PRKN: variants seen among roughly 807,000 people sequenced by gnomAD.
PRKN encodes E3 ubiquitin-protein ligase parkin.
PRKN carries 56 observed loss-of-function variants against 59.5 expected under a neutral mutation model. The ratio of observed to expected loss-of-function variants is 0.94; its 90% CI spans 0.76 to 1.18. The LOEUF is 1.18. Ranked by LOEUF, PRKN falls within the 50% of genes most tolerant of loss-of-function variation. The probability of loss-of-function intolerance (pLI) is 0.00; values close to 1 mark genes in which losing one functional copy is unlikely to be tolerated. For synonymous variants in PRKN, 250 were observed against 222.1 expected (o/e 1.13, Z -1.12); for missense variants, 657 against 596.4 (o/e 1.10, Z -1.06).
At position 161,818,220 on chromosome 6, in the gene PRKN, G is replaced by T. The variant is rs113253274; in HGVS notation, c.735-32312C>A. ...AAAGACACATAGGTGGAAACTCAAAGACCAGTTTTTGGTAGAGGGGCAGGT... is the reference window on the plus strand; with the variant it reads ...AAAGACACATAGGTGGAAACTCAAATACCAGTTTTTGGTAGAGGGGCAGGT... On this transcript the variant is annotated intron_variant, in intron 6 of 11. Transcript: ENST00000366898. 7.9e-3 allele frequency among the ~76,000 whole-genome samples: 1,205 copies of T among 152,246 alleles called. 7 individuals are homozygous for T. The highest frequency in any genetic ancestry group is 0.014 in the Non-Finnish European group (949 of 68,030).
At chr6:161,692,168 A>C (rs1188581436) in intron 7 of PRKN, among the ~76,000 whole-genome samples, 1 of 152,084 alleles carries the variant, frequency 6.6e-6, no homozygotes, top group Non-Finnish European at 1.5e-5. Context: ...ATTTGCCTCT[A>C]CTCTGAATGC....
chr6:161,653,555 A>G (rs796613087), intron 7 of PRKN, among the ~76,000 whole-genome samples: 3 of 152,306 alleles, frequency 2.0e-5, no homozygotes, highest in African/African-American at 7.2e-5. Flanking sequence ...CGTGCCATGA[A>G]TTTCATGTAG....
intron 7 of PRKN, among the ~76,000 whole-genome samples, chr6:161,735,523 G>A (rs1787927922): frequency 6.6e-6 from 1 of 152,160 alleles, no homozygotes; most frequent in Non-Finnish European, 1.5e-5. Flanking sequence ...TAGTTGTTAA[G>A]TTTTTTGGAG....
intron 9 of PRKN, among the ~76,000 whole-genome samples, chr6:161,519,799 C>T (rs760336732): frequency 6.6e-6 from 1 of 152,278 alleles, no homozygotes; most frequent in South Asian, 2.1e-4. Context: ...CTTAGAGAAT[C>T]TAGAGGAAAT....
chr6:162,041,433 GT>G (rs1391054249), intron 5 of PRKN, among the ~76,000 whole-genome samples: 1 of 152,188 alleles, frequency 6.6e-6, no homozygotes, highest in African/African-American at 2.4e-5. Flanking sequence ...GATGGAGAGA[GT>G]AAAGACATTC....
intron 1 of PRKN, among the ~76,000 whole-genome samples, chr6:162,604,599 C>A (rs1781833284): frequency 6.6e-6 from 1 of 151,954 alleles, no homozygotes; most frequent in Non-Finnish European, 1.5e-5. Flanking sequence ...GTTTTTCCCC[C>A]ACACTCATCC....
chr6:162,190,143 C>T (rs1464700195), intron 4 of PRKN, among the ~76,000 whole-genome samples: 2 of 152,170 alleles, frequency 1.3e-5, no homozygotes, highest in African/African-American at 4.8e-5. Flanking sequence ...ATGCCCAGTG[C>T]ATGCCATAGA....
At chr6:161,772,446 T>C (rs141076458) in intron 7 of PRKN, among the ~76,000 whole-genome samples, 1 of 152,300 alleles carries the variant, frequency 6.6e-6, no homozygotes, top group African/African-American at 2.4e-5. Context: ...TTTAGGTGAT[T>C]CTCAGCAATC....
chr6:162,431,037 G>A (rs902557342), intron 2 of PRKN, among the ~76,000 whole-genome samples: 5 of 152,022 alleles, frequency 3.3e-5, no homozygotes, highest in Non-Finnish European at 7.4e-5. Context: ...TCCCAACGCC[G>A]CCTTCAGTGT....
intron 6 of PRKN, among the ~76,000 whole-genome samples, chr6:161,972,864 T>G (rs771828365): frequency 7.2e-5 from 11 of 152,300 alleles, no homozygotes; most frequent in Non-Finnish European, 1.5e-4. Flanking sequence ...AAACCCTGTC[T>G]CTACTACAAA....
chr6:162,250,997 G>C (rs893814231), intron 3 of PRKN, among the ~76,000 whole-genome samples: 2 of 151,996 alleles, frequency 1.3e-5, no homozygotes, highest in African/African-American at 4.8e-5. Context: ...TTGGGACACT[G>C]AATCTTCATT....
At chr6:161,913,170 G>GAA (rs762633376) in intron 6 of PRKN, among the ~76,000 whole-genome samples, 1,076 of 86,544 alleles carry the variant, frequency 0.012, 17 homozygotes, top group Non-Finnish European at 0.017. Flanking sequence ...TCCATCTCAG[G>GAA]AAAAAAAAAA....
At chr6:161,747,910 C>A (rs1360952543) in intron 7 of PRKN, among the ~76,000 whole-genome samples, 1 of 152,108 alleles carries the variant, frequency 6.6e-6, no homozygotes, top group South Asian at 2.1e-4. Flanking sequence ...TGATGAACAT[C>A]GCCATCTTTA....
rs751445079 is a variant in PRKN at position 161,419,690 on chromosome 6, C to T, written c.1084-32813G>A. Among the ~76,000 whole-genome samples the T allele has an allele frequency of 1.3e-4, 19 of 151,926 alleles. No homozygotes were observed. Among genetic ancestry groups the T allele is most frequent in the Non-Finnish European group, 1.5e-4 (10 of 67,978 alleles). ...GGCATGAACCACCACGCCCAGCCTCCTCTGACTTTTGTAAGGGAAATAATT... is the reference window on the plus strand; with the variant it reads ...GGCATGAACCACCACGCCCAGCCTCTTCTGACTTTTGTAAGGGAAATAATT... On this transcript the variant is annotated intron_variant, in intron 9 of 11. Coordinates refer to ENST00000366898, the MANE Select transcript of PRKN (RefSeq NM_004562.3). The surrounding 1 kb of genome is among the most constrained non-coding windows in gnomAD (Gnocchi z 4.1).
At chr6:162,144,887 AG>A (rs901361344) in intron 4 of PRKN, among the ~76,000 whole-genome samples, 2 of 152,140 alleles carry the variant, frequency 1.3e-5, no homozygotes, top group African/African-American at 4.8e-5. Context: ...TGAAACGACG[AG>A]GATGAACGTA....
intron 4 of PRKN, among the ~76,000 whole-genome samples, chr6:162,070,743 C>G (rs923312817): frequency 2.0e-5 from 3 of 152,162 alleles, no homozygotes; most frequent in Non-Finnish European, 4.4e-5. Flanking sequence ...CCCACATGCA[C>G]AGTTCACAAT....
At chr6:162,035,895 C>A in intron 5 of PRKN, among the ~76,000 whole-genome samples, 1 of 152,226 alleles carries the variant, frequency 6.6e-6, no homozygotes, top group East Asian at 1.9e-4. Flanking sequence ...ACCCTTCACA[C>A]TAAAATAAAA....
At chr6:162,633,173 G>A (rs2186816) in intron 1 of PRKN, among the ~76,000 whole-genome samples, 92,840 of 151,300 alleles carry the variant, frequency 0.61, 29,205 homozygotes, top group African/African-American at 0.75. Flanking sequence ...GGTGGCTCAT[G>A]CCTTAATCCC....
chr6:162,328,864 A>G (rs894081114), intron 2 of PRKN, among the ~76,000 whole-genome samples: 1 of 152,152 alleles, frequency 6.6e-6, no homozygotes, highest in African/African-American at 2.4e-5. Flanking sequence ...GGGGGGTGGT[A>G]CCAGGTGGTG....
Sources: gnomAD v4.1 joint callset for allele counts (sites outside exome capture counted in the v4.1 genomes callset) on GRCh38, gnomAD v4.1.1 for gene constraint, Gnocchi (gnomAD v3.1) non-coding constraint, MANE v1.5 for transcripts, NCBI Gene and HGNC (gene_info 2026-07-23, HGNC 2026-07-21) for gene names.